Variants in CPEB1 observed in about 807,000 individuals in gnomAD.
CPEB1 encodes the protein cytoplasmic polyadenylation element binding protein 1, also known as cytoplasmic polyadenylation element-binding protein 1.
Under a neutral mutation model 65.8 loss-of-function variants are expected in CPEB1, and 7 were observed. The ratio of observed to expected loss-of-function variants is 0.11; its 90% CI spans 0.06 to 0.20. CPEB1 has a LOEUF of 0.20. CPEB1 is among the 10% of genes least tolerant of loss of function. The pLI, the probability that CPEB1 is intolerant of heterozygous loss-of-function variation, is 1.00. For missense variants in CPEB1, 551 were observed against 712.2 expected, an observed-to-expected ratio of 0.77 and a Z score of 2.58; for synonymous variants, 262 against 260.0, an observed-to-expected ratio of 1.01 and a Z score of -0.08.
chr15:82,559,737 T>C (rs2037866227), intron 4 of CPEB1, among the ~76,000 whole-genome samples: 1 of 152,196 alleles, frequency 6.6e-6, no homozygotes, highest in Non-Finnish European at 1.5e-5. Flanking sequence ...AAACTAAGTG[T>C]CTCAAAATGC....
At chr15:82,614,867 G>T (rs956439834) in intron 3 of CPEB1, among the ~76,000 whole-genome samples, 1 of 120,466 alleles carries the variant, frequency 8.3e-6, no homozygotes, top group African/African-American at 3.0e-5. Flanking sequence ...GTGTGTGTGT[G>T]TGTGTGTGTG....
chr15:82,574,385 C>G (rs2040411618), intron 3 of CPEB1, among the ~76,000 whole-genome samples: 1 of 152,098 alleles, frequency 6.6e-6, no homozygotes, highest in African/African-American at 2.4e-5. Context: ...TTTAAAGATG[C>G]AACAGTAGCC....
intron 1 of CPEB1, among the ~76,000 whole-genome samples, chr15:82,633,977 A>G (rs79495868): frequency 6.6e-6 from 1 of 152,086 alleles, no homozygotes; most frequent in Non-Finnish European, 1.5e-5. Flanking sequence ...AAAAAAAAAA[A>G]AGAGGGTAGC....
intron 3 of CPEB1, among the ~76,000 whole-genome samples, chr15:82,591,884 C>A (rs925280707): frequency 6.6e-6 from 1 of 150,556 alleles, no homozygotes; most frequent in Non-Finnish European, 1.5e-5. Flanking sequence ...AATCTGTCAC[C>A]CAGGCTGGAG....
rs1278033917 is a variant in CPEB1 at position 82,546,904 on chromosome 15, G to A, written c.1575+239C>T. Among the ~76,000 whole-genome samples the A allele has an allele frequency of 1.3e-5, 2 of 152,146 alleles. 1 individual carries two copies. Among genetic ancestry groups the A allele is most frequent in the African/African-American group, 4.8e-5 (2 of 41,430 alleles). On this transcript the variant is annotated intron_variant, in intron 11 of 12. Coordinates refer to ENST00000684509, the MANE Select transcript of CPEB1 (RefSeq NM_001365242.1). ...TGAGCAATGCCAAAGAAATACCACAGTGAGGGAAGGCACCCTACACACTGA... is the reference window on the plus strand; with the variant it reads ...TGAGCAATGCCAAAGAAATACCACAATGAGGGAAGGCACCCTACACACTGA...
At chr15:82,600,889 GAACTT>G (rs2043046869) in intron 3 of CPEB1, among the ~76,000 whole-genome samples, 1 of 135,934 alleles carries the variant, frequency 7.4e-6, no homozygotes, top group Non-Finnish European at 1.6e-5. Context: ...AAAGAACCCA[GAACTT>G]GTCTTTTTTT....
Position 82,571,635 on chromosome 15 carries a change from G to A in CPEB1, c.272-103C>T, listed in dbSNP as rs939616070. On this transcript the variant is annotated intron_variant, in intron 3 of 12. Coordinates refer to ENST00000684509, the MANE Select transcript of CPEB1 (RefSeq NM_001365242.1). The stretch of plus-strand genomic sequence containing the variant: ...TAATAATAGTTTCCCCAGGCTCACA[G>A]GCCAGACATCCAAGCTGGCTGGATG... 9 of 1,474,546 alleles carry A rather than the reference G, an allele frequency of 6.1e-6. No individual in the cohort carries two copies. The African/African-American group carries it at 1.1e-4, about 19-fold the overall frequency. 91.3% of individuals were successfully genotyped at this position (1,474,546 alleles called of 1,614,324 possible). A position where few individuals can be genotyped will look rare whatever the true frequency, so the allele number is the denominator to read the frequency against.
chr15:82,613,382 TTTTTG>T (rs752579557), intron 3 of CPEB1, among the ~76,000 whole-genome samples: 46 of 152,272 alleles, frequency 3.0e-4, no homozygotes, highest in Admixed American at 4.6e-4. Flanking sequence ...CTTGGGGGTT[TTTTTG>T]TTTTGTTTTG....
At chr15:82,604,814 G>C (rs1226480421) in intron 3 of CPEB1, among the ~76,000 whole-genome samples, 1 of 152,066 alleles carries the variant, frequency 6.6e-6, no homozygotes, top group Non-Finnish European at 1.5e-5. Flanking sequence ...AAGTCCCAAA[G>C]CAGATGAGGG....
chr15:82,569,258 G>C (rs1482169758), intron 4 of CPEB1, among the ~76,000 whole-genome samples: 1 of 152,180 alleles, frequency 6.6e-6, no homozygotes, highest in Non-Finnish European at 1.5e-5. Context: ...TTCCAAGAAG[G>C]CCCAGAGCCC....
intron 3 of CPEB1, among the ~76,000 whole-genome samples, chr15:82,626,075 G>T (rs941795437): frequency 2.7e-5 from 4 of 148,374 alleles, no homozygotes; most frequent in Non-Finnish European, 6.0e-5. Flanking sequence ...AGCTGAGATC[G>T]CACCACTGCA....
chr15:82,576,381 C>T (rs1397575753), intron 3 of CPEB1, among the ~76,000 whole-genome samples: 1 of 152,170 alleles, frequency 6.6e-6, no homozygotes, highest in African/African-American at 2.4e-5. Context: ...GAGGATACAT[C>T]AGTCAGAATG....
chr15:82,630,210 T>A, intron 1 of CPEB1: 1 of 425,668 alleles, frequency 2.3e-6, no homozygotes, highest in Non-Finnish European at 3.1e-6. Flanking sequence ...TAGCTGAGAC[T>A]ACAGGCACGT....
At chr15:82,594,345 T>G (rs1284495905) in intron 3 of CPEB1, among the ~76,000 whole-genome samples, 1 of 145,182 alleles carries the variant, frequency 6.9e-6, no homozygotes, top group Non-Finnish European at 1.5e-5. Flanking sequence ...CTTCTTCCCT[T>G]AAACCTCATG....
chr15:82,607,451 G>C (rs2043726599), intron 3 of CPEB1, among the ~76,000 whole-genome samples: 2 of 151,672 alleles, frequency 1.3e-5, no homozygotes, highest in African/African-American at 4.8e-5. Flanking sequence ...ACCCAGGTGT[G>C]GTGGTGTGTG....
At chr15:82,597,739 C>T (rs1041424739) in intron 3 of CPEB1, among the ~76,000 whole-genome samples, 3 of 152,140 alleles carry the variant, frequency 2.0e-5, no homozygotes, top group Non-Finnish European at 4.4e-5. Flanking sequence ...TGAGTTTCTG[C>T]TTAACATTTT....
intron 3 of CPEB1, among the ~76,000 whole-genome samples, chr15:82,606,097 A>G (rs570635944): frequency 6.6e-6 from 1 of 152,352 alleles, no homozygotes; most frequent in East Asian, 1.9e-4. Context: ...AAATAAAGCG[A>G]TACTGGTGCA....
chr15:82,573,223 T>C, intron 3 of CPEB1: 1 of 1,427,170 alleles, frequency 7.0e-7, no homozygotes, highest in Non-Finnish European at 9.2e-7. Context: ...ATCAGTCTCC[T>C]TCCTTTGGAG....
intron 9 of CPEB1, among the ~76,000 whole-genome samples, chr15:82,551,353 A>T (rs568611229): frequency 6.6e-6 from 1 of 152,270 alleles, no homozygotes; most frequent in South Asian, 2.1e-4. Context: ...CACTTGCGTG[A>T]CTTCCCCACT....
Sources: gnomAD v4.1 joint callset for allele counts (sites outside exome capture counted in the v4.1 genomes callset) on GRCh38, gnomAD v4.1.1 for gene constraint, MANE v1.5 for transcripts, NCBI Gene and HGNC (gene_info 2026-07-23, HGNC 2026-07-21) for gene names.